The following ANXA10 variants were observed in gnomAD, a reference collection of about 807,000 sequenced individuals.
The protein encoded by ANXA10 is annexin A10.
Under a neutral mutation model 53.5 loss-of-function variants are expected in ANXA10, and 49 were observed. The ratio of observed to expected loss-of-function variants is 0.92; its 90% CI spans 0.73 to 1.16. The LOEUF (loss-of-function observed/expected upper bound fraction) is 1.16, where lower values mean the gene tolerates loss of function less well. ANXA10 is among the 50% of genes most tolerant of loss of function. The pLI is 0.00. For synonymous variants in ANXA10, 131 were observed against 128.9 expected, an observed-to-expected ratio of 1.02 and a Z score of -0.11; for missense variants, 393 against 394.4, an observed-to-expected ratio of 1.00 and a Z score of 0.03.
At chr4:168,112,260 C>T (rs1159079038) in intron 1 of ANXA10, among the ~76,000 whole-genome samples, 3 of 152,106 alleles carry the variant, frequency 2.0e-5, no homozygotes, top group African/African-American at 7.2e-5. Flanking sequence ...CGTACCACTG[C>T]ACTCCAGAGC....
At chr4:168,134,333 A>G (rs1261749843) in intron 2 of ANXA10, among the ~76,000 whole-genome samples, 2 of 152,138 alleles carry the variant, frequency 1.3e-5, no homozygotes. Context: ...TCCTAAATTT[A>G]CAGTTATTTT....
chr4:168,182,847 A>G (rs1732281860), intron 10 of ANXA10, among the ~76,000 whole-genome samples: 1 of 150,136 alleles, frequency 6.7e-6, no homozygotes, highest in African/African-American at 2.4e-5. Flanking sequence ...CGTCTCTACT[A>G]AAAATACAAA....
intron 3 of ANXA10, among the ~76,000 whole-genome samples, chr4:168,146,093 G>A (rs1163880398): frequency 2.0e-5 from 3 of 152,112 alleles, no homozygotes; most frequent in Non-Finnish European, 2.9e-5. Context: ...ATTCTCAGTA[G>A]GGACGGGGTT....
At chr4:168,121,015 T>C (rs1012029446) in intron 1 of ANXA10, among the ~76,000 whole-genome samples, 12 of 152,086 alleles carry the variant, frequency 7.9e-5, no homozygotes, top group Non-Finnish European at 1.0e-4. Context: ...CTTCATTCAA[T>C]ATATTTCTGT....
chr4:168,140,552 A>T (rs1024344178), intron 3 of ANXA10, among the ~76,000 whole-genome samples: 2 of 152,180 alleles, frequency 1.3e-5, no homozygotes, highest in African/African-American at 4.8e-5. Flanking sequence ...AGAATATAAA[A>T]ACTATAAAAG....
intron 1 of ANXA10, among the ~76,000 whole-genome samples, chr4:168,127,009 C>CTTAA (rs1731080507): frequency 6.6e-6 from 1 of 152,018 alleles, no homozygotes; most frequent in South Asian, 2.1e-4. Context: ...AATTAATTAA[C>CTTAA]TTAATTAATA....
chr4:168,179,662 C>T (rs956718711), intron 9 of ANXA10, among the ~76,000 whole-genome samples: 16 of 152,050 alleles, frequency 1.1e-4, no homozygotes, highest in Non-Finnish European at 1.9e-4. Flanking sequence ...GTCCAAGAGC[C>T]GATAAATACT....
At chr4:168,152,203 G>A (rs1252037303) in intron 3 of ANXA10, among the ~76,000 whole-genome samples, 1 of 152,154 alleles carries the variant, frequency 6.6e-6, no homozygotes, top group African/African-American at 2.4e-5. Context: ...TGGGGAGATG[G>A]GGTGTAATTT....
intron 1 of ANXA10, among the ~76,000 whole-genome samples, chr4:168,098,920 G>A (rs1730596687): frequency 1.3e-5 from 2 of 152,070 alleles, no homozygotes; most frequent in Non-Finnish European, 2.9e-5. Context: ...AGCAACTTTG[G>A]ATTGGCTTTT....
At chr4:168,146,273 CATG>C (rs2149473329) in intron 3 of ANXA10, among the ~76,000 whole-genome samples, 1 of 152,296 alleles carries the variant, frequency 6.6e-6, no homozygotes, top group Non-Finnish European at 1.5e-5. Context: ...AAGCCAAAAA[CATG>C]GCACAGATTA....
chr4:168,153,128 C>T (rs575850000), intron 3 of ANXA10, among the ~76,000 whole-genome samples: 2 of 152,172 alleles, frequency 1.3e-5, no homozygotes, highest in East Asian at 3.9e-4. Flanking sequence ...CACCACTGTG[C>T]CCAGCCAGAG....
chr4:168,098,678 C>CTATT (rs1730591989), intron 1 of ANXA10, among the ~76,000 whole-genome samples: 2 of 151,994 alleles, frequency 1.3e-5, no homozygotes, highest in South Asian at 4.1e-4. Context: ...TTCCTGGGGC[C>CTATT]TATTTTTCCT....
intron 3 of ANXA10, among the ~76,000 whole-genome samples, chr4:168,156,898 A>C (rs982471843): frequency 6.6e-5 from 10 of 152,028 alleles, no homozygotes; most frequent in Non-Finnish European, 1.2e-4. Context: ...ATTTTGAATA[A>C]TTTTACAAAC....
At chr4:168,124,573 G>A (rs920587251) in intron 1 of ANXA10, among the ~76,000 whole-genome samples, 3 of 152,116 alleles carry the variant, frequency 2.0e-5, no homozygotes, top group Non-Finnish European at 2.9e-5. Flanking sequence ...AAGAACCAAA[G>A]TCTGACTTTT....
chr4:168,095,536 C>A (rs1170714253), intron 1 of ANXA10, among the ~76,000 whole-genome samples: 1 of 151,956 alleles, frequency 6.6e-6, no homozygotes, highest in African/African-American at 2.4e-5. Flanking sequence ...AATTTACTGT[C>A]TATATACATC....
chr4:168,173,276 T>G (rs1406215693), intron 6 of ANXA10, among the ~76,000 whole-genome samples: 1 of 152,174 alleles, frequency 6.6e-6, no homozygotes, highest in African/African-American at 2.4e-5. Flanking sequence ...CAAGGCCAGT[T>G]GGTAGCCTCT....
chr4:168,145,924 G>A (rs1731398793), intron 3 of ANXA10, among the ~76,000 whole-genome samples: 1 of 81,002 alleles, frequency 1.2e-5, no homozygotes, highest in East Asian at 2.1e-4. Context: ...TTGTTGAGTG[G>A]CTTTTTTTTT....
At chr4:168,104,842 G>C (rs894226010) in intron 1 of ANXA10, among the ~76,000 whole-genome samples, 1 of 134,928 alleles carries the variant, frequency 7.4e-6, no homozygotes, top group African/African-American at 2.8e-5. Context: ...TTTTACTCTT[G>C]TCTTTATTAC....
At chr4:168,134,029 GTTAC>G (rs1455997899) in intron 2 of ANXA10, among the ~76,000 whole-genome samples, 1 of 151,914 alleles carries the variant, frequency 6.6e-6, no homozygotes, top group African/African-American at 2.4e-5. Context: ...TTAATAAAAA[GTTAC>G]TTAATATTAT....
Sources: allele counts gnomAD v4.1 joint callset (sites outside exome capture counted in the v4.1 genomes callset), GRCh38; gene constraint gnomAD v4.1.1; transcripts MANE v1.5; gene names NCBI Gene and HGNC (gene_info 2026-07-23, HGNC 2026-07-21).